Variants in AGBL4 observed in about 807,000 individuals in gnomAD.
The protein encoded by AGBL4 is AGBL carboxypeptidase 4.
A neutral mutation model predicts 66.4 loss-of-function variants in AGBL4; 58 were observed. The observed-to-expected ratio is 0.87, with a 90% CI of 0.71 to 1.09. The LOEUF (loss-of-function observed/expected upper bound fraction) is 1.09, where lower values mean the gene tolerates loss of function less well. Ranked by LOEUF, AGBL4 falls within the 50% of genes least tolerant of loss-of-function variation. The pLI is 0.00. For synonymous variants in AGBL4, 234 were observed against 222.9 expected (o/e 1.05, Z -0.44); for missense variants, 579 against 631.0 (o/e 0.92, Z 0.88).
chr1:48,847,249 G>A (rs574180124), intron 6 of AGBL4, among the ~76,000 whole-genome samples: 30 of 152,210 alleles, frequency 2.0e-4, no homozygotes, highest in Middle Eastern at 3.4e-3. Flanking sequence ...GCAGGGAGCC[G>A]AGTTCACACC....
intron 6 of AGBL4, among the ~76,000 whole-genome samples, chr1:48,702,739 G>T (rs1177195228): frequency 6.6e-6 from 1 of 152,224 alleles, no homozygotes; most frequent in Non-Finnish European, 1.5e-5. Context: ...TGCATTGGAG[G>T]TAGTGCATGC....
At chr1:49,875,317 A>C (rs61785465) in intron 1 of AGBL4, among the ~76,000 whole-genome samples, 42 of 47,370 alleles carry the variant, frequency 8.9e-4, no homozygotes, top group South Asian at 8.1e-3. Flanking sequence ...TCCCCCCTCC[A>C]CACCACAGTC....
At chr1:48,785,846 C>T (rs1557993074) in intron 6 of AGBL4, among the ~76,000 whole-genome samples, 1 of 152,144 alleles carries the variant, frequency 6.6e-6, no homozygotes, top group Non-Finnish European at 1.5e-5. Flanking sequence ...AACCCTGCCT[C>T]ATTCTAGTCT....
intron 3 of AGBL4, among the ~76,000 whole-genome samples, chr1:49,452,535 A>G (rs1646300519): frequency 6.6e-6 from 1 of 151,848 alleles, no homozygotes; most frequent in Non-Finnish European, 1.5e-5. Context: ...GTCTCTTAGC[A>G]CACAGTACAT....
chr1:48,862,926 GGGTTACCATGGACTCTCACTA>G (rs1647626916), intron 6 of AGBL4, among the ~76,000 whole-genome samples: 1 of 152,110 alleles, frequency 6.6e-6, no homozygotes, highest in African/African-American at 2.4e-5. Context: ...CAGATTAAGA[GGGTTACCATGGACTCTCACTA>G]AAATAGCTAT....
intron 2 of AGBL4, among the ~76,000 whole-genome samples, chr1:49,833,033 A>C (rs1460756228): frequency 6.6e-6 from 1 of 151,810 alleles, no homozygotes; most frequent in African/African-American, 2.4e-5. Flanking sequence ...TTTTGTTGCC[A>C]TTGCTTTTGG....
At position 49,900,136 on chromosome 1, in the gene AGBL4, G is replaced by A. The variant is rs562820428; in HGVS notation, c.35-48618C>T. Among the ~76,000 whole-genome samples, 339 of 152,254 alleles carry A rather than the reference G, an allele frequency of 2.2e-3. 4 individuals carry two copies. The highest frequency in any genetic ancestry group is 7.8e-3 in the African/African-American group (326 of 41,556). ...GATCAAATAGAGTGACACTAAGCAG[G>A]CTTATTATCTTGGTGAATCTTTCAC... On this transcript the variant is annotated intron_variant, in intron 1 of 13. Coordinates refer to ENST00000371839, the MANE Select transcript of AGBL4 (RefSeq NM_032785.4).
At chr1:49,611,701 A>G (rs1331204476) in intron 3 of AGBL4, among the ~76,000 whole-genome samples, 2 of 152,134 alleles carry the variant, frequency 1.3e-5, no homozygotes, top group South Asian at 2.1e-4. Flanking sequence ...TCTTAGAGGT[A>G]GACTCTTGCT....
chr1:49,683,225 G>T (rs983775408), intron 3 of AGBL4, among the ~76,000 whole-genome samples: 1 of 152,132 alleles, frequency 6.6e-6, no homozygotes, highest in Admixed American at 6.5e-5. Context: ...AGCCTGGGAA[G>T]AAAATCTCAT....
chr1:49,196,971 G>A (rs776028919), intron 4 of AGBL4, among the ~76,000 whole-genome samples: 1 of 152,052 alleles, frequency 6.6e-6, no homozygotes, highest in Non-Finnish European at 1.5e-5. Flanking sequence ...GGAACTACAA[G>A]CACACGTCAC....
chr1:49,150,825 G>A (rs951374524), intron 4 of AGBL4, among the ~76,000 whole-genome samples: 2 of 151,968 alleles, frequency 1.3e-5, no homozygotes, highest in African/African-American at 4.8e-5. Flanking sequence ...CACTCTACAT[G>A]TAACTGAAAG....
chr1:48,999,721 A>C (rs1661263126), intron 5 of AGBL4, among the ~76,000 whole-genome samples: 1 of 152,006 alleles, frequency 6.6e-6, no homozygotes, highest in African/African-American at 2.4e-5. Context: ...ATATTCCACA[A>C]AGAAGCCTGA....
intron 6 of AGBL4, among the ~76,000 whole-genome samples, chr1:48,673,804 A>G (rs1481517069): frequency 6.6e-6 from 1 of 152,254 alleles, no homozygotes; most frequent in Non-Finnish European, 1.5e-5. Context: ...ACCAACTCCC[A>G]TATGCCCAGG....
intron 6 of AGBL4, among the ~76,000 whole-genome samples, chr1:48,702,555 C>A (rs962828609): frequency 2.6e-5 from 4 of 152,060 alleles, no homozygotes; most frequent in African/African-American, 9.7e-5. Context: ...GCCTCCCAAG[C>A]AAAAACCTGG....
At chr1:49,323,946 C>T (rs977515165) in intron 3 of AGBL4, among the ~76,000 whole-genome samples, 2 of 152,162 alleles carry the variant, frequency 1.3e-5, no homozygotes, top group African/African-American at 4.8e-5. Flanking sequence ...TTTTCCCTGA[C>T]AGTCTTTGCC....
chr1:49,599,989 T>G (rs1409555793), intron 3 of AGBL4, among the ~76,000 whole-genome samples: 2 of 152,236 alleles, frequency 1.3e-5, no homozygotes, highest in African/African-American at 2.4e-5. Context: ...TGGTTATGAT[T>G]TCCATTCTTT....
At chr1:49,194,441 T>C (rs1412518328) in intron 4 of AGBL4, among the ~76,000 whole-genome samples, 1 of 152,234 alleles carries the variant, frequency 6.6e-6, no homozygotes, top group Admixed American at 6.5e-5. Flanking sequence ...AAGCAGCATA[T>C]AATTGGATCA....
chr1:49,129,972 C>T (rs1437583300), intron 4 of AGBL4, among the ~76,000 whole-genome samples: 7 of 152,110 alleles, frequency 4.6e-5, no homozygotes, highest in African/African-American at 1.7e-4. Context: ...CTCTCCAGCA[C>T]CTGTTGTTTC....
intron 5 of AGBL4, among the ~76,000 whole-genome samples, chr1:48,986,362 C>T (rs1660174858): frequency 6.6e-6 from 1 of 151,954 alleles, no homozygotes; most frequent in South Asian, 2.1e-4. Flanking sequence ...TACCAGGGCA[C>T]ATCATAATCA....
Sources: allele counts gnomAD v4.1 joint callset (sites outside exome capture counted in the v4.1 genomes callset), GRCh38; gene constraint gnomAD v4.1.1; transcripts MANE v1.5; gene names NCBI Gene and HGNC (gene_info 2026-07-23, HGNC 2026-07-21).